The following NR3C2 variants were observed in gnomAD, a reference collection of about 807,000 sequenced individuals.
The protein encoded by NR3C2 is mineralocorticoid receptor.
A neutral mutation model predicts 86.4 loss-of-function variants in NR3C2; 15 were observed. The ratio of observed to expected loss-of-function variants is 0.17; its 90% CI spans 0.12 to 0.27. The LOEUF is 0.27. Among genes scored for constraint, NR3C2 ranks in the 10% least tolerant of loss-of-function variants. NR3C2 has a pLI of 1.00. For synonymous variants in NR3C2, 458 were observed against 450.5 expected (o/e 1.02, Z -0.21); for missense variants, 960 against 1,195.6 (o/e 0.80, Z 2.91).
intron 2 of NR3C2, among the ~76,000 whole-genome samples, chr4:148,396,889 C>A (rs1747886881): frequency 6.6e-6 from 1 of 152,074 alleles, no homozygotes; most frequent in African/African-American, 2.4e-5. Flanking sequence ...CCTACTTCTG[C>A]ATATAAAGGA....
chr4:148,201,393 A>T (rs577933524), intron 3 of NR3C2, among the ~76,000 whole-genome samples: 43 of 152,294 alleles, frequency 2.8e-4, no homozygotes, highest in African/African-American at 8.7e-4. Flanking sequence ...ATAACATTGG[A>T]TTATGTTTAT....
At chr4:148,427,049 C>T (rs1044517056) in intron 2 of NR3C2, among the ~76,000 whole-genome samples, 5 of 151,912 alleles carry the variant, frequency 3.3e-5, no homozygotes, top group East Asian at 1.9e-4. Context: ...CCACCTCCCA[C>T]GTTCAAGCGA....
chr4:148,436,799 T>C lies in NR3C2; in HGVS notation c.62A>G (p.Gln21Arg). 1 of 1,613,318 alleles carries C rather than the reference T, an allele frequency of 6.2e-7. No individual in the cohort carries two copies. Among genetic ancestry groups the C allele is most frequent in the Non-Finnish European group, 8.5e-7 (1 of 1,179,834 alleles). The change falls in exon 2 of 9, where the codon CAA becomes CGA. Residue 21 changes from glutamine (Q) to arginine (R), a missense_variant. Gln to Arg is a conservative substitution (Grantham distance 43). Around this residue, in one of 4 missense-constraint regions of NR3C2, gnomAD observed 680 missense variants for 719.0 expected, o/e 0.95. Coordinates refer to ENST00000358102, the MANE Select transcript of NR3C2 (RefSeq NM_000901.5). ...EGLDMERRWG[Q>R]VSQAVERSSL... ...AGAACGCTCCACAGCCTGAGAAACT[T>C]GACCCCACCGTCTTTCCATATCTAG...
intron 6 of NR3C2, among the ~76,000 whole-genome samples, chr4:148,139,825 T>C (rs1426999945): frequency 6.6e-6 from 1 of 152,162 alleles, no homozygotes; most frequent in Non-Finnish European, 1.5e-5. Context: ...TAAACAACCT[T>C]TTCAGAGCCC....
chr4:148,288,897 G>T (rs1198432468), intron 2 of NR3C2, among the ~76,000 whole-genome samples: 1 of 152,104 alleles, frequency 6.6e-6, no homozygotes, highest in Non-Finnish European at 1.5e-5. Context: ...AATAAGTTTA[G>T]TGCTAAAGGA....
At chr4:148,266,405 C>G (rs757930975) in intron 2 of NR3C2, among the ~76,000 whole-genome samples, 1 of 152,140 alleles carries the variant, frequency 6.6e-6, no homozygotes, top group East Asian at 1.9e-4. Flanking sequence ...ACTGAAATGA[C>G]AGAGTAGCCA....
At chr4:148,315,430 C>A (rs943780736) in intron 2 of NR3C2, among the ~76,000 whole-genome samples, 1 of 152,186 alleles carries the variant, frequency 6.6e-6, no homozygotes, top group Non-Finnish European at 1.5e-5. Flanking sequence ...AAACTCTGAA[C>A]CCCTCACTCT....
intron 3 of NR3C2, among the ~76,000 whole-genome samples, chr4:148,213,823 A>G (rs1201297464): frequency 6.6e-6 from 1 of 152,222 alleles, no homozygotes; most frequent in African/African-American, 2.4e-5. Flanking sequence ...AACTACAGTC[A>G]CTGTAGCTGT....
intron 6 of NR3C2, among the ~76,000 whole-genome samples, chr4:148,135,765 C>T (rs1385573700): frequency 6.6e-6 from 1 of 151,670 alleles, no homozygotes; most frequent in Non-Finnish European, 1.5e-5. Context: ...GTTTAAAAAA[C>T]AACAAAAACG....
intron 4 of NR3C2, among the ~76,000 whole-genome samples, chr4:148,158,194 G>A (rs956790293): frequency 7.2e-5 from 11 of 152,168 alleles, no homozygotes; most frequent in African/African-American, 2.4e-4. Flanking sequence ...AGATACTTCC[G>A]ATGAATGGAT....
chr4:148,083,530 A>G (rs1730674456), intron 8 of NR3C2, among the ~76,000 whole-genome samples: 1 of 152,218 alleles, frequency 6.6e-6, no homozygotes, highest in Non-Finnish European at 1.5e-5. Flanking sequence ...CCTCATCTGA[A>G]GGCCACCAAC....
intron 2 of NR3C2, among the ~76,000 whole-genome samples, chr4:148,419,244 C>G (rs1424401992): frequency 6.6e-6 from 1 of 152,134 alleles, no homozygotes; most frequent in Non-Finnish European, 1.5e-5. Flanking sequence ...GGTAGTGGAT[C>G]ACAATGGTCC....
rs1740021160 is a variant in NR3C2, at chr4:148,260,088, G to C, written c.1787C>G (p.Ser596Cys). ...SSTLRSVSTGSSRPSKICLVC... is the reference protein window; with the variant it reads ...SSTLRSVSTGCSRPSKICLVC... ...CAAACATATTTTTGAAGGTCTTGAA[G>C]ATCCAGTAGAAACACTTCGTAAAGT... Residue 596 changes from serine (S) to cysteine (C), a missense_variant, in exon 3 of 9, where the codon TCT becomes TGT. Ser to Cys is a moderately radical substitution (Grantham distance 112). Transcript: ENST00000358102. The C allele has an allele frequency of 6.2e-7, 1 of 1,614,074 alleles. No individual in the cohort carries two copies. Among genetic ancestry groups the C allele is most frequent in the East Asian group, 2.2e-5 (1 of 44,836 alleles).
intron 2 of NR3C2, among the ~76,000 whole-genome samples, chr4:148,431,813 T>G (rs1409654896): frequency 6.6e-6 from 1 of 152,204 alleles, no homozygotes; most frequent in East Asian, 1.9e-4. Flanking sequence ...ATGTAATGTC[T>G]TCTTTCTTCA....
At chr4:148,180,784 T>C (rs1370580264) in intron 4 of NR3C2, among the ~76,000 whole-genome samples, 1 of 152,206 alleles carries the variant, frequency 6.6e-6, no homozygotes, top group Admixed American at 6.5e-5. Flanking sequence ...TTCATGGCCA[T>C]AATTTTATTG....
At chr4:148,162,613 C>T (rs1734711545) in intron 4 of NR3C2, among the ~76,000 whole-genome samples, 1 of 152,172 alleles carries the variant, frequency 6.6e-6, no homozygotes, top group South Asian at 2.1e-4. Context: ...CTGGAGCTTT[C>T]TTGTGCTCAA....
chr4:148,313,276 C>T lies in NR3C2; in HGVS notation c.1758-53159G>A, dbSNP rs115398235. 7.8e-3 allele frequency among the ~76,000 whole-genome samples: 1,192 copies of T among 152,078 alleles called. 14 individuals carry two copies. Among genetic ancestry groups the T allele is most frequent in the African/African-American group, 0.026 (1,099 of 41,480 alleles). ...CAACCACTTTAAACATACTGAGTCC[C>T]GAAAAACTTCAAATTGTAAATGAGT... On this transcript the variant is annotated intron_variant, in intron 2 of 8. Coordinates refer to ENST00000358102, the MANE Select transcript of NR3C2 (RefSeq NM_000901.5).
At chr4:148,197,018 C>T (rs1418754607) in intron 3 of NR3C2, among the ~76,000 whole-genome samples, 1 of 152,160 alleles carries the variant, frequency 6.6e-6, no homozygotes, top group African/African-American at 2.4e-5. Context: ...ATTATTGCTG[C>T]TATTCACCAG....
intron 8 of NR3C2, among the ~76,000 whole-genome samples, chr4:148,088,945 A>AT (rs1730941005): frequency 6.6e-6 from 1 of 152,202 alleles, no homozygotes; most frequent in African/African-American, 2.4e-5. Context: ...TTAGTTCTAT[A>AT]TTCCATTATG....
Sources: allele counts gnomAD v4.1 joint callset (sites outside exome capture counted in the v4.1 genomes callset), GRCh38; gene constraint gnomAD v4.1.1; regional missense constraint gnomAD v4.1.1; transcripts MANE v1.5; gene names NCBI Gene and HGNC (gene_info 2026-07-23, HGNC 2026-07-21).